NTN1: variants seen among roughly 807,000 people sequenced by gnomAD.
The protein encoded by NTN1 is netrin-1.
Under a neutral mutation model 54.2 loss-of-function variants are expected in NTN1, and 11 were observed. The observed-to-expected ratio is 0.20, with a 90% CI of 0.13 to 0.34. The LOEUF (loss-of-function observed/expected upper bound fraction) is 0.34. Ranked by LOEUF, NTN1 falls within the 10% of genes least tolerant of loss-of-function variation. The pLI, the probability that NTN1 is intolerant of heterozygous loss-of-function variation, is 1.00. For missense variants in NTN1, 740 were observed against 893.1 expected (o/e 0.83, Z 2.18); for synonymous variants, 371 against 382.0 (o/e 0.97, Z 0.33).
intron 5 of NTN1, among the ~76,000 whole-genome samples, chr17:9,203,531 G>A (rs147645343): frequency 0.014 from 2,125 of 152,180 alleles, 21 homozygotes; most frequent in Non-Finnish European, 0.02. Flanking sequence ...GGGCGCGGTG[G>A]CTAACCCCTG....
chr17:9,211,113 C>G lies in NTN1; in HGVS notation c.1412-10055C>G, dbSNP rs1309579890. The stretch of plus-strand genomic sequence containing the variant: ...ATTCTTCTAGAATAAAATCCAAACC[C>G]CTGCCATTGTTGAAAAGGCCCTAGG... On this transcript the variant is annotated intron_variant, in intron 5 of 6. Transcript: ENST00000173229. The surrounding 1 kb of genome is among the most constrained non-coding windows in gnomAD (Gnocchi z 4.4). Among the ~76,000 whole-genome samples, 2 of 152,090 alleles carry G rather than the reference C, an allele frequency of 1.3e-5. No individual in the cohort carries two copies. The highest frequency in any genetic ancestry group is 2.9e-5 in the Non-Finnish European group (2 of 68,018).
chr17:9,207,057 A>G (rs1477179953), intron 5 of NTN1, among the ~76,000 whole-genome samples: 1 of 152,174 alleles, frequency 6.6e-6, no homozygotes, highest in Non-Finnish European at 1.5e-5. Flanking sequence ...TCTGCCGCAC[A>G]GTGGTGGCAG....
At chr17:9,114,660 C>T (rs530042032) in intron 2 of NTN1, among the ~76,000 whole-genome samples, 382 of 151,828 alleles carry the variant, frequency 2.5e-3, no homozygotes, top group African/African-American at 8.2e-3. Flanking sequence ...GGCTAAGGCA[C>T]GGAGAATCGC....
rs759962176 is a variant in NTN1 at position 9,162,818 on chromosome 17, A to T, written c.1024A>T (p.Asn342Tyr). ...AREANECVACNCNLHARRCRF... is the reference protein window; with the variant it reads ...AREANECVACYCNLHARRCRF... The stretch of plus-strand genomic sequence containing the variant: ...CTCTCTGTCTCCCCCTGCAGCCTGT[A>T]ACTGCAACCTGCATGCCCGGCGCTG... Residue 342 changes from asparagine (N) to tyrosine (Y), a missense_variant, in exon 3 of 7, where the codon AAC (asparagine) becomes TAC (tyrosine). Coordinates refer to ENST00000173229, the MANE Select transcript of NTN1 (RefSeq NM_004822.3). 1.2e-6 allele frequency: 2 copies of T among 1,610,670 alleles called. No individual in the cohort carries two copies. The highest frequency in any genetic ancestry group is 1.7e-6 in the Non-Finnish European group (2 of 1,177,380).
At position 9,179,857 on chromosome 17, in the gene NTN1, A is replaced by G; in HGVS notation, c.1258A>G (p.Thr420Ala). The G allele has an allele frequency of 6.2e-7, 1 of 1,613,990 alleles. No individual in the cohort carries two copies. Among genetic ancestry groups the G allele is most frequent in the Non-Finnish European group, 8.5e-7 (1 of 1,179,992 alleles). The change falls in exon 4 of 7, where the codon ACC (threonine) becomes GCC (alanine). Residue 420 changes from threonine to alanine, a missense_variant. By Grantham distance (58) the Thr-to-Ala change is moderately conservative (BLOSUM62 0). Transcript: ENST00000173229. ...TGCTGGCAAAACCTGCAACCAAACC[A>G]CCGGCCAGTGTCCCTGCAAGGACGG... The part of the protein sequence containing the change: ...GAAGKTCNQT[T>A]GQCPCKDGVT...
chr17:9,120,200 G>A (rs1361157864), intron 2 of NTN1, among the ~76,000 whole-genome samples: 1 of 151,342 alleles, frequency 6.6e-6, no homozygotes, highest in Non-Finnish European at 1.5e-5. Flanking sequence ...CAGGAGAATG[G>A]CATGAACCCG....
upstream of NTN1, among the ~76,000 whole-genome samples, chr17:9,017,758 G>A (rs993256789): frequency 6.6e-6 from 1 of 152,156 alleles, no homozygotes; most frequent in African/African-American, 2.4e-5. Context: ...ATGCCTTCAC[G>A]GGTGTGTATT....
intron 2 of NTN1, among the ~76,000 whole-genome samples, chr17:9,071,525 T>G (rs1444794085): frequency 6.6e-6 from 1 of 151,752 alleles, no homozygotes; most frequent in East Asian, 1.9e-4. Flanking sequence ...TTGCAAAAAA[T>G]GTACTAAAAT....
intron 2 of NTN1, among the ~76,000 whole-genome samples, chr17:9,068,604 G>A (rs952873039): frequency 1.1e-4 from 16 of 151,806 alleles, no homozygotes; most frequent in African/African-American, 3.4e-4. Context: ...TGCCCTCTGG[G>A]TTCAAGCGAT....
rs992110231 is a variant in NTN1 at position 9,239,863 on chromosome 17, C to A, written c.1710C>A (p.Ile570=). Residue 570 remains isoleucine (I), a synonymous_variant, in exon 7 of 7, where the codon ATC becomes ATA. Transcript: ENST00000173229. The surrounding 1 kb of genome is among the most constrained non-coding windows in gnomAD (Gnocchi z 5.2). The part of the protein sequence containing the change: ...NAEDSPDQSG[I]VADKSSLVIQ... ...AGGACTCTCCGGACCAGAGCGGCAT[C>A]GTGGCCGATAAAAGCAGCCTGGTGA... is the stretch of plus-strand genomic sequence containing the variant. The A allele has an allele frequency of 6.8e-6, 11 of 1,612,192 alleles. No homozygotes were observed.
chr17:9,164,050 C>T lies in NTN1; in HGVS notation c.1207+1049C>T, dbSNP rs796449755. Among the ~76,000 whole-genome samples the T allele has an allele frequency of 2.6e-5, 4 of 152,248 alleles. No individual in the cohort carries two copies. The South Asian group carries it at 8.3e-4, about 32-fold the overall frequency. On this transcript the variant is annotated intron_variant, in intron 3 of 6. Coordinates refer to ENST00000173229, the MANE Select transcript of NTN1 (RefSeq NM_004822.3). ...GAGAAACCCTTCTGTGGCCACTGCT[C>T]AGCGTGTGGATGAAGCAAAAGTATC...
At chr17:9,130,315 C>T (rs1352332727) in intron 2 of NTN1, among the ~76,000 whole-genome samples, 2 of 152,162 alleles carry the variant, frequency 1.3e-5, no homozygotes, top group Non-Finnish European at 2.9e-5. Context: ...AGGTGGAAAT[C>T]ATCCTGAGGA....
intron 2 of NTN1, among the ~76,000 whole-genome samples, chr17:9,091,135 T>A (rs568549936): frequency 1.3e-5 from 2 of 152,334 alleles, no homozygotes; most frequent in South Asian, 4.1e-4. Flanking sequence ...ATGAGCTGTT[T>A]CCCTTAAGTG....
At chr17:9,191,858 T>A (rs1317749439) in intron 5 of NTN1, among the ~76,000 whole-genome samples, 1 of 111,458 alleles carries the variant, frequency 9.0e-6, no homozygotes, top group Non-Finnish European at 1.7e-5. Context: ...TGAGACCTTA[T>A]CGCTACTAAA....
chr17:9,053,880 C>T (rs1048379419), intron 2 of NTN1, among the ~76,000 whole-genome samples: 3 of 152,178 alleles, frequency 2.0e-5, no homozygotes, highest in African/African-American at 7.2e-5. Context: ...TCTAGCCTCC[C>T]TTAAGCAGGG....
In NTN1 at chr17:9,022,327, G is replaced by A. The variant is rs1403714187; in HGVS notation, c.-47G>A. 6.3e-6 allele frequency: 8 copies of A among 1,264,938 alleles called. No homozygotes were observed. The highest frequency in any genetic ancestry group is 7.9e-6 in the Non-Finnish European group (8 of 1,010,456). The allele number at this position is 1,264,938 out of a possible 1,614,324, so 78.4% of individuals were successfully genotyped here. On this transcript the variant is annotated 5_prime_UTR_variant, in exon 2 of 7. Coordinates refer to ENST00000173229, the MANE Select transcript of NTN1 (RefSeq NM_004822.3). ...TCTCCGCAGGCGCCTTCTGCGGCAG[G>A]CGGACAGATCCTCGGCGCGGCAGGG...
At chr17:9,031,177 C>T (rs552026377) in intron 2 of NTN1, among the ~76,000 whole-genome samples, 3 of 152,264 alleles carry the variant, frequency 2.0e-5, no homozygotes, top group African/African-American at 7.2e-5. Flanking sequence ...AAGGGGCTGG[C>T]TTTAAATAAC....
rs1401740360 is a variant in NTN1, at chr17:9,221,053, A to G, written c.1412-115A>G. Reference sequence around the variant, plus strand: ...GCCGCCTGCCCGCCCGGCCTGGCCCATGGGTATCACAGGCCTCTGGCTATT... The same window carrying G: ...GCCGCCTGCCCGCCCGGCCTGGCCCGTGGGTATCACAGGCCTCTGGCTATT... On this transcript the variant is annotated intron_variant, in intron 5 of 6. Transcript: ENST00000173229. The surrounding 1 kb of genome is among the most constrained non-coding windows in gnomAD (Gnocchi z 4.5). 2.5e-6 allele frequency: 2 copies of G among 808,452 alleles called. No homozygotes were observed. The highest frequency in any genetic ancestry group is 2.4e-5 in the East Asian group (1 of 41,304). 50.1% of individuals were successfully genotyped at this position (808,452 alleles called of 1,614,324 possible). A position where few individuals can be genotyped will look rare whatever the true frequency, so the allele number is the denominator to read the frequency against.
At chr17:9,179,748 G>C in intron 3 of NTN1, 59 bp from the exon 4 acceptor site, 1 of 1,570,984 alleles carries the variant, frequency 6.4e-7, no homozygotes, top group Non-Finnish European at 8.6e-7. Flanking sequence ...GGAAGGCTCT[G>C]CGGGGATGCA....
Sources: gnomAD v4.1 joint callset for allele counts (sites outside exome capture counted in the v4.1 genomes callset) on GRCh38, gnomAD v4.1.1 for gene constraint, Gnocchi (gnomAD v3.1) non-coding constraint, MANE v1.5 for transcripts, NCBI Gene and HGNC (gene_info 2026-07-23, HGNC 2026-07-21) for gene names.